XIRP2: variants seen among roughly 807,000 people sequenced by gnomAD.
The protein encoded by XIRP2 is xin actin-binding repeat-containing protein 2.
A neutral mutation model predicts 277.0 loss-of-function variants in XIRP2; 236 were observed. That is an observed-to-expected ratio of 0.85 (90% confidence interval 0.77 to 0.95). The LOEUF (loss-of-function observed/expected upper bound fraction) is 0.95. Ranked by LOEUF, XIRP2 falls within the 40% of genes least tolerant of loss-of-function variation. XIRP2 has a pLI of 0.00. For missense variants in XIRP2, 4,640 were observed against 4,157.5 expected, an observed-to-expected ratio of 1.12 and a Z score of -3.19; for synonymous variants, 1,490 against 1,416.5, an observed-to-expected ratio of 1.05 and a Z score of -1.17.
chr2:167,013,681 A>C (rs2105474421), intron 2 of XIRP2, among the ~76,000 whole-genome samples: 1 of 151,640 alleles, frequency 6.6e-6, no homozygotes, highest in East Asian at 1.9e-4. Flanking sequence ...CCATTTAAAA[A>C]CACATTTCTA....
intron 2 of XIRP2, among the ~76,000 whole-genome samples, chr2:167,121,271 A>G (rs1198433188): frequency 6.6e-6 from 1 of 152,118 alleles, no homozygotes; most frequent in Non-Finnish European, 1.5e-5. Flanking sequence ...ACAAATATAC[A>G]TATTTTTCTC....
intron 2 of XIRP2, among the ~76,000 whole-genome samples, chr2:167,132,336 T>C (rs888046331): frequency 6.6e-6 from 1 of 152,160 alleles, no homozygotes; most frequent in Non-Finnish European, 1.5e-5. Flanking sequence ...TCCTGGCATC[T>C]AGTGGGTAGA....
chr2:167,132,511 T>TACACACAC (rs35636231), intron 2 of XIRP2, among the ~76,000 whole-genome samples: 7,370 of 146,234 alleles, frequency 0.05, 481 homozygotes, highest in African/African-American at 0.16. Context: ...TGCATGTGTA[T>TACACACAC]ACACACACAC....
chr2:166,900,093 CT>C (rs1684343034), intron 1 of XIRP2, among the ~76,000 whole-genome samples: 1 of 151,912 alleles, frequency 6.6e-6, no homozygotes, highest in Admixed American at 6.6e-5. Flanking sequence ...CTGTCTTTCT[CT>C]TTTTCTGGAA....
intron 2 of XIRP2, among the ~76,000 whole-genome samples, chr2:167,108,803 A>T (rs1451597264): frequency 6.6e-6 from 1 of 151,570 alleles, no homozygotes; most frequent in Non-Finnish European, 1.5e-5. Flanking sequence ...CTATAGTGTG[A>T]TTATGTGTTT....
At chr2:167,043,413 C>A (rs1688713283) in intron 2 of XIRP2, among the ~76,000 whole-genome samples, 1 of 151,856 alleles carries the variant, frequency 6.6e-6, no homozygotes, top group African/African-American at 2.4e-5. Flanking sequence ...AATTTGGTTC[C>A]TTGAAAGAGT....
At chr2:166,916,672 G>A (rs1007313005) in intron 2 of XIRP2, among the ~76,000 whole-genome samples, 2 of 152,098 alleles carry the variant, frequency 1.3e-5, no homozygotes, top group Admixed American at 6.6e-5. Flanking sequence ...GAGCTGAAAT[G>A]TACAGTTTGA....
intron 3 of XIRP2, among the ~76,000 whole-genome samples, chr2:167,209,541 G>C (rs545251040): frequency 1.3e-5 from 2 of 152,144 alleles, no homozygotes; most frequent in Non-Finnish European, 1.5e-5. Context: ...ACTACAAAGA[G>C]CCCTACCCTG....
chr2:167,003,253 C>A (rs1469853905), intron 2 of XIRP2, among the ~76,000 whole-genome samples: 1 of 151,622 alleles, frequency 6.6e-6, no homozygotes, highest in Non-Finnish European at 1.5e-5. Context: ...AAAATGAGAA[C>A]CCTTCCCTTG....
intron 2 of XIRP2, among the ~76,000 whole-genome samples, chr2:167,048,611 T>C (rs1688844829): frequency 6.6e-6 from 1 of 151,876 alleles, no homozygotes; most frequent in Non-Finnish European, 1.5e-5. Context: ...AGATTCACCT[T>C]ATCCTTTAGG....
chr2:166,906,714 G>C (rs1175816723), intron 2 of XIRP2, among the ~76,000 whole-genome samples: 1 of 152,048 alleles, frequency 6.6e-6, no homozygotes, highest in Non-Finnish European at 1.5e-5. Flanking sequence ...CCAGCACTTT[G>C]GGAAACCTGA....
chr2:167,165,823 A>G (rs756829203), intron 3 of XIRP2, among the ~76,000 whole-genome samples: 1 of 152,080 alleles, frequency 6.6e-6, no homozygotes, highest in African/African-American at 2.4e-5. Context: ...TCTTTCATGG[A>G]GCAGAAATTT....
chr2:167,171,132 T>C (rs1471522032), intron 3 of XIRP2, among the ~76,000 whole-genome samples: 1 of 152,064 alleles, frequency 6.6e-6, no homozygotes, highest in Non-Finnish European at 1.5e-5. Context: ...ACTCCTGACC[T>C]CAGGTGATCT....
rs552347774 is a variant in XIRP2 at position 167,126,704 on chromosome 2, GA to G, written c.409-9200del. Among the ~76,000 whole-genome samples, 349 of 152,166 alleles carry G rather than the reference GA, an allele frequency of 2.3e-3. 3 individuals are homozygous for G. Among genetic ancestry groups the G allele is most frequent in the African/African-American group, 7.9e-3 (326 of 41,528 alleles). ...TGTCATTTGCTTTCTTTGGAGATGG[GA>G]AAAACCATGGGGGCTGACAGCAGTG... On this transcript the variant is annotated intron_variant, in intron 2 of 10. Transcript: ENST00000409195.
intron 2 of XIRP2, among the ~76,000 whole-genome samples, chr2:167,099,670 T>G (rs1690435485): frequency 6.6e-6 from 1 of 152,158 alleles, no homozygotes; most frequent in South Asian, 2.1e-4. Context: ...GTCTGTGGGT[T>G]GCACAGACCG....
At chr2:167,031,936 C>G (rs1243476041) in intron 2 of XIRP2, among the ~76,000 whole-genome samples, 3 of 151,926 alleles carry the variant, frequency 2.0e-5, no homozygotes, top group African/African-American at 7.2e-5. Flanking sequence ...CTTTTTCAAC[C>G]AAGTTGGGAA....
chr2:167,014,461 G>C (rs767708823), intron 2 of XIRP2, among the ~76,000 whole-genome samples: 15 of 151,694 alleles, frequency 9.9e-5, no homozygotes, highest in Non-Finnish European at 1.8e-4. Flanking sequence ...GAAAGGGAAA[G>C]TTGTTAGAAA....
intron 2 of XIRP2, among the ~76,000 whole-genome samples, chr2:167,071,471 C>T (rs577426713): frequency 1.3e-5 from 2 of 152,242 alleles, no homozygotes; most frequent in Non-Finnish European, 2.9e-5. Flanking sequence ...GGAAGGACTG[C>T]GGTCAGATGC....
chr2:167,223,425 T>G (rs1463965144), intron 5 of XIRP2, among the ~76,000 whole-genome samples: 2 of 152,204 alleles, frequency 1.3e-5, no homozygotes, highest in Non-Finnish European at 2.9e-5. Flanking sequence ...TATCTGCTAT[T>G]GCAAAAATTA....
Sources: gnomAD v4.1 joint callset for allele counts (sites outside exome capture counted in the v4.1 genomes callset) on GRCh38, gnomAD v4.1.1 for gene constraint, MANE v1.5 for transcripts, NCBI Gene and HGNC (gene_info 2026-07-23, HGNC 2026-07-21) for gene names.